PTPN18: variants seen among roughly 807,000 people sequenced by gnomAD.
PTPN18 encodes the protein protein tyrosine phosphatase non-receptor type 18, also known as tyrosine-protein phosphatase non-receptor type 18.
A neutral mutation model predicts 65.4 loss-of-function variants in PTPN18; 65 were observed. The ratio of observed to expected loss-of-function variants is 0.99; its 90% CI spans 0.81 to 1.22. The LOEUF is 1.22. Among genes scored for constraint, PTPN18 ranks in the 50% most tolerant of loss-of-function variants. The pLI is 0.00. For synonymous variants in PTPN18, 255 were observed against 267.8 expected (o/e 0.95, Z 0.47); for missense variants, 616 against 646.5 (o/e 0.95, Z 0.51).
chr2:130,357,058 G>A (rs1435226888), intron 1 of PTPN18, among the ~76,000 whole-genome samples: 1 of 152,130 alleles, frequency 6.6e-6, no homozygotes, highest in African/African-American at 2.4e-5. Flanking sequence ...GGGCATGGGC[G>A]CATGCCTGTA....
chr2:130,368,757 C>G lies in PTPN18; in HGVS notation c.415-376C>G, dbSNP rs79803490. 5.1e-3 allele frequency: 817 copies of G among 161,316 alleles called. 5 individuals are homozygous for G. The highest frequency in any genetic ancestry group is 0.018 in the African/African-American group (769 of 41,938). 10.0% of individuals were successfully genotyped at this position (161,316 alleles called of 1,614,324 possible). On this transcript the variant is annotated intron_variant, in intron 5 of 14. Coordinates refer to ENST00000175756, the MANE Select transcript of PTPN18 (RefSeq NM_014369.4). Reference sequence around the variant, plus strand: ...GGTCTCTGGCTCAACTCAGTGGGATCATTAGACTCATGTCTTACAGCCTGG... The same window carrying G: ...GGTCTCTGGCTCAACTCAGTGGGATGATTAGACTCATGTCTTACAGCCTGG...
intron 5 of PTPN18, among the ~76,000 whole-genome samples, chr2:130,368,017 C>T (rs188431846): frequency 6.6e-6 from 1 of 152,068 alleles, no homozygotes; most frequent in East Asian, 1.9e-4. Flanking sequence ...CTAGTGTCTA[C>T]CCTGCTATTA....
At position 130,373,408 on chromosome 2, in the gene PTPN18, T is replaced by A; in HGVS notation, c.*184T>A. The A allele has an allele frequency of 1.6e-6, 1 of 608,778 alleles. No individual in the cohort carries two copies. Among genetic ancestry groups the A allele is most frequent in the Non-Finnish European group, 2.8e-6 (1 of 363,286 alleles). 37.7% of individuals were successfully genotyped at this position (608,778 alleles called of 1,614,324 possible). ...ATTCAAGGCTTGAGGCTGGAGGAGG[T>A]AGCTAGGGTATAGTGGCTGGTGAGG... On this transcript the variant is annotated 3_prime_UTR_variant, in exon 15 of 15. Coordinates refer to ENST00000175756, the MANE Select transcript of PTPN18 (RefSeq NM_014369.4). The surrounding 1 kb of genome is among the most constrained non-coding windows in gnomAD (Gnocchi z 4.1).
chr2:130,358,809 T>A, intron 1 of PTPN18, 58 bp from the exon 2 acceptor site: 1 of 1,476,764 alleles, frequency 6.8e-7, no homozygotes, highest in Non-Finnish European at 9.4e-7. Context: ...CCTGGGACTC[T>A]GACCTGGCTC....
chr2:130,364,114 A>G (rs1227165626), intron 5 of PTPN18, among the ~76,000 whole-genome samples: 1 of 152,200 alleles, frequency 6.6e-6, no homozygotes, highest in Non-Finnish European at 1.5e-5. Flanking sequence ...CAAGTGTACA[A>G]TTCAATTGAA....
intron 5 of PTPN18, 136 bp downstream of exon 5, chr2:130,359,782 T>C (rs192802319): frequency 2.7e-4 from 289 of 1,084,560 alleles, no homozygotes; most frequent in Admixed American, 1.6e-3. Flanking sequence ...GGAAGCCCCA[T>C]TGTTCCTCTA....
rs2104958178 is a variant in PTPN18 at position 130,373,410 on chromosome 2, G to A, written c.*186G>A. On this transcript the variant is annotated 3_prime_UTR_variant, in exon 15 of 15. Transcript: ENST00000175756. This position sits in a 1 kb window ranked among gnomAD's most constrained non-coding sequence, Gnocchi z 4.1. ...TCAAGGCTTGAGGCTGGAGGAGGTAGCTAGGGTATAGTGGCTGGTGAGGCT... is the reference window on the plus strand; with the variant it reads ...TCAAGGCTTGAGGCTGGAGGAGGTAACTAGGGTATAGTGGCTGGTGAGGCT... 6.5e-6 allele frequency: 4 copies of A among 611,912 alleles called. No individual in the cohort carries two copies. In the East Asian group the frequency reaches 1.2e-4, roughly 18 times the overall value. 37.9% of individuals were successfully genotyped at this position (611,912 alleles called of 1,614,324 possible).
intron 8 of PTPN18, 134 bp from the exon 9 acceptor site, chr2:130,370,423 T>C: frequency 8.2e-7 from 1 of 1,214,714 alleles, no homozygotes; most frequent in South Asian, 1.2e-5. Flanking sequence ...CTTGTTCAGA[T>C]ATAATCTGAA....
rs1237063068 is a variant in PTPN18 at position 130,373,704 on chromosome 2, GCAGA to G, written c.*489_*492del. 6.5e-6 allele frequency: 1 copy of G among 153,414 alleles called. No individual in the cohort carries two copies. The highest frequency in any genetic ancestry group is 1.4e-5 in the Non-Finnish European group (1 of 69,064). 9.5% of individuals were successfully genotyped at this position (153,414 alleles called of 1,614,324 possible). A position where few individuals can be genotyped will look rare whatever the true frequency, so the allele number is the denominator to read the frequency against. On this transcript the variant is annotated 3_prime_UTR_variant, in exon 15 of 15. Transcript: ENST00000175756. This position sits in a 1 kb window ranked among gnomAD's most constrained non-coding sequence, Gnocchi z 4.1. ...GACCGATAAAAAGACCTCCAGATAG[GCAGA>G]CAGACAGATGGACCACCAACCTGGA... is the stretch of plus-strand genomic sequence containing the variant.
chr2:130,356,098 C>A lies in PTPN18; in HGVS notation c.-10C>A. ...GGCGGCCGGGCTGGACCTTGCTGGC[C>A]CGCGGCGCCATGAGCCGCAGCCTGG... On this transcript the variant is annotated 5_prime_UTR_variant, in exon 1 of 15. Coordinates refer to ENST00000175756, the MANE Select transcript of PTPN18 (RefSeq NM_014369.4). 7.7e-7 allele frequency: 1 copy of A among 1,292,922 alleles called. No homozygotes were observed. The highest frequency in any genetic ancestry group is 9.8e-7 in the Non-Finnish European group (1 of 1,023,312). The allele number at this position is 1,292,922 out of a possible 1,614,324, so 80.1% of individuals were successfully genotyped here.
chr2:130,357,508 T>C (rs1297549724), intron 1 of PTPN18, among the ~76,000 whole-genome samples: 2 of 152,202 alleles, frequency 1.3e-5, no homozygotes, highest in Admixed American at 6.5e-5. Flanking sequence ...ATAACAAAGA[T>C]TATAATTTAT....
At chr2:130,369,687 G>A in intron 6 of PTPN18, 78 bp from the exon 7 acceptor site, 1 of 1,395,174 alleles carries the variant, frequency 7.2e-7, no homozygotes, top group Non-Finnish European at 9.9e-7. Context: ...GGAATGCTTT[G>A]CTTTCTATAA....
rs767525707 is a variant in PTPN18 at position 130,358,983 on chromosome 2, G to A, written c.202+8G>A. ...ACAAAGACGTGCTGCCTTGTAAGTC[G>A]GGGCTTCCGTAGGGAGTCGGTGCAG... On this transcript the variant is annotated splice_region_variant and intron_variant, in intron 2 of 14. Coordinates refer to ENST00000175756, the MANE Select transcript of PTPN18 (RefSeq NM_014369.4). 1.1e-5 allele frequency: 17 copies of A among 1,613,212 alleles called. 1 individual carries two copies. Among genetic ancestry groups the A allele is most frequent in the Admixed American group, 6.7e-5 (4 of 59,988 alleles).
At position 130,359,626 on chromosome 2, in the gene PTPN18, C is replaced by T. The variant is rs146895206; in HGVS notation, c.394C>T (p.Arg132Ter). 2.7e-5 allele frequency: 43 copies of T among 1,613,964 alleles called. No individual in the cohort carries two copies. The Admixed American group carries it at 3.5e-4, about 13-fold the overall frequency. The change falls in exon 5 of 15, where the codon CGA (arginine) becomes TGA (stop). Residue 132 changes from arginine to a stop codon, truncating the protein, a stop_gained. Coordinates refer to ENST00000175756, the MANE Select transcript of PTPN18 (RefSeq NM_014369.4). LOFTEE classifies it high-confidence loss of function. ...TGTCTAGGTGATCCTGATGGCCTGT[C>T]GAGAGATAGAGAATGGGCGGGTAGG... Reference protein sequence around the residue: ...FGVKVILMACREIENGRKRCE... With the variant: ...FGVKVILMAC
intron 1 of PTPN18, among the ~76,000 whole-genome samples, chr2:130,357,842 C>CGAGACT (rs1680040086): frequency 1.6e-5 from 2 of 127,702 alleles, no homozygotes; most frequent in African/African-American, 6.4e-5. Context: ...GGCAACAGAG[C>CGAGACT]GAGACTCCAT....
chr2:130,364,090 C>T (rs753091506), intron 5 of PTPN18, among the ~76,000 whole-genome samples: 1 of 152,060 alleles, frequency 6.6e-6, no homozygotes, highest in Non-Finnish European at 1.5e-5. Flanking sequence ...ATAATTTTGC[C>T]ATTTAAACCA....
At chr2:130,357,161 G>A (rs1680001321) in intron 1 of PTPN18, among the ~76,000 whole-genome samples, 1 of 152,188 alleles carries the variant, frequency 6.6e-6, no homozygotes, top group Admixed American at 6.5e-5. Context: ...GCACAGCTGA[G>A]ATGGTGCCAC....
chr2:130,370,233 G>GACAGAGCATGGAGGGGAGT lies in PTPN18; in HGVS notation c.689+48_689+66dup. 3.7e-6 allele frequency: 6 copies of GACAGAGCATGGAGGGGAGT among 1,602,978 alleles called. No homozygotes were observed. The South Asian group carries it at 6.6e-5, about 18-fold the overall frequency. On this transcript the variant is annotated intron_variant, in intron 8 of 14. Transcript: ENST00000175756. ...CAGGAGGGTCTGGTGAGGCAGAGGGGACAGAGCATGGAGGGGAGTACAGGG... is the reference window on the plus strand; with the variant it reads ...CAGGAGGGTCTGGTGAGGCAGAGGGGACAGAGCATGGAGGGGAGTACAGAGCATGGAGGGGAGTACAGGG...
At chr2:130,357,594 C>T (rs1680024781) in intron 1 of PTPN18, among the ~76,000 whole-genome samples, 1 of 152,164 alleles carries the variant, frequency 6.6e-6, no homozygotes, top group South Asian at 2.1e-4. Flanking sequence ...CGGTGGCTCA[C>T]GCCTATAATC....
Sources: allele counts gnomAD v4.1 joint callset (sites outside exome capture counted in the v4.1 genomes callset), GRCh38; gene constraint gnomAD v4.1.1; non-coding constraint Gnocchi (gnomAD v3.1); transcripts MANE v1.5; gene names NCBI Gene and HGNC (gene_info 2026-07-23, HGNC 2026-07-21).